Variants in EIF1AX observed in about 807,000 individuals in gnomAD.
The protein encoded by EIF1AX is eukaryotic translation initiation factor 1A X-linked.
Under a neutral mutation model 16.1 loss-of-function variants are expected in EIF1AX, and 1 was observed. The ratio of observed to expected loss-of-function variants is 0.06; its 90% CI spans 0.02 to 0.30. The LOEUF is 0.30. Ranked by LOEUF, EIF1AX falls within the 10% of genes least tolerant of loss-of-function variation. EIF1AX has a pLI of 1.00. For missense variants in EIF1AX, 11 were observed against 109.1 expected (o/e 0.10, Z 4.00); for synonymous variants, 32 against 37.3 (o/e 0.86, Z 0.51).
chrX:20,132,911 T>C (rs2067005282), intron 4 of EIF1AX, among the ~76,000 whole-genome samples: 1 of 112,269 alleles, frequency 8.9e-6, no homozygotes, highest in South Asian at 3.6e-4. Flanking sequence ...AATTGATTGC[T>C]TCAACTTCAA....
In EIF1AX at chrX:20,125,769, A is replaced by G. The variant is rs2066983375; in HGVS notation, c.*2537T>C. On this transcript the variant is annotated 3_prime_UTR_variant, in exon 7 of 7. Coordinates refer to ENST00000379607, the MANE Select transcript of EIF1AX (RefSeq NM_001412.4). ...ACATTAGATGAGATTAAGTTAAATTACAAGTCACAAAGAGTTTGTAAGCAA... is the reference window on the plus strand; with the variant it reads ...ACATTAGATGAGATTAAGTTAAATTGCAAGTCACAAAGAGTTTGTAAGCAA... 1 of 157,388 alleles carries G rather than the reference A, an allele frequency of 6.4e-6. No individual in the cohort carries two copies. The highest frequency in any genetic ancestry group is 3.0e-5 in the African/African-American group (1 of 33,013). 13.0% of individuals were successfully genotyped at this position (157,388 alleles called of 1,213,427 possible). A position where few individuals can be genotyped will look rare whatever the true frequency, so the allele number is the denominator to read the frequency against.
intron 2 of EIF1AX, among the ~76,000 whole-genome samples, chrX:20,137,362 C>G (rs941389908): frequency 9.0e-6 from 1 of 110,929 alleles, no homozygotes; most frequent in Admixed American, 9.6e-5. Context: ...AGGAGAATGG[C>G]GTGAACCCGG....
intron 6 of EIF1AX, among the ~76,000 whole-genome samples, chrX:20,128,872 C>G (rs968232995): frequency 9.0e-6 from 1 of 110,959 alleles, no homozygotes; most frequent in Non-Finnish European, 1.9e-5. Flanking sequence ...CCTAGATTCT[C>G]AACCCATTAT....
Position 20,139,987 on chromosome X carries a change from T to A in EIF1AX, c.17-1365A>T, listed in dbSNP as rs140469182. 8 of 112,784 alleles carry A rather than the reference T, an allele frequency of 7.1e-5. No individual in the cohort carries two copies. The East Asian group carries it at 2.2e-3, about 31-fold the overall frequency. The allele number at this position is 112,784 out of a possible 1,213,427, so 9.3% of individuals were successfully genotyped here. A position where few individuals can be genotyped will look rare whatever the true frequency, so the allele number is the denominator to read the frequency against. ...ATTAACCATACCCGGATCACTCCCC[T>A]TTGTATTTTATTGCCATGTAATGGG... On this transcript the variant is annotated intron_variant, in intron 1 of 6. Transcript: ENST00000379607.
At chrX:20,138,789 T>C (rs1428445787) in intron 1 of EIF1AX, among the ~76,000 whole-genome samples, 167 bp from the exon 2 acceptor site, 1 of 111,760 alleles carries the variant, frequency 8.9e-6, no homozygotes, top group Non-Finnish European at 1.9e-5. Context: ...CAATCTCCAA[T>C]CCCAACATTA....
At chrX:20,129,487 G>A (rs1416406829) in intron 6 of EIF1AX, among the ~76,000 whole-genome samples, 1 of 111,962 alleles carries the variant, frequency 8.9e-6, no homozygotes, top group Non-Finnish European at 1.9e-5. Flanking sequence ...TTGAAAAGAA[G>A]AGCCCAAAAC....
intron 2 of EIF1AX, among the ~76,000 whole-genome samples, chrX:20,137,179 T>A (rs1272825103): frequency 1.8e-5 from 2 of 111,979 alleles, no homozygotes; most frequent in African/African-American, 6.5e-5. Flanking sequence ...GTGCGGTGGC[T>A]CACGCCTGTA....
intron 4 of EIF1AX, 64 bp from the exon 5 acceptor site, chrX:20,132,327 A>C: frequency 1.4e-6 from 1 of 713,616 alleles, no homozygotes; most frequent in African/African-American, 2.1e-5. Context: ...TTATTTCATA[A>C]ATTCTCATAT....
intron 1 of EIF1AX, 41 bp downstream of exon 1, chrX:20,141,584 G>C (rs772517249): frequency 1.6e-4 from 188 of 1,143,163 alleles, no homozygotes; most frequent in East Asian, 1.0e-3. Context: ...TGGGAGACCC[G>C]GCCGAGCAGA....
At chrX:20,136,723 T>A (rs988615746) in intron 2 of EIF1AX, among the ~76,000 whole-genome samples, 2 of 111,422 alleles carry the variant, frequency 1.8e-5, no homozygotes, top group African/African-American at 6.5e-5. Context: ...CTACAGTGAG[T>A]TTAGCACCCA....
intron 6 of EIF1AX, among the ~76,000 whole-genome samples, chrX:20,129,247 TC>T (rs1199289940): frequency 9.0e-6 from 1 of 111,496 alleles, no homozygotes; most frequent in Non-Finnish European, 1.9e-5. Flanking sequence ...CTCTAGGTAT[TC>T]CGAAATTCCA....
chrX:20,124,962 T>C lies in EIF1AX; in HGVS notation c.*3344A>G, dbSNP rs773525601. On this transcript the variant is annotated 3_prime_UTR_variant, in exon 7 of 7. Coordinates refer to ENST00000379607, the MANE Select transcript of EIF1AX (RefSeq NM_001412.4). ...ATGCACCTTCTATCTTACATAGTAC[T>C]GGATATCAAGTGAAAAGAGCAGACA... is the stretch of plus-strand genomic sequence containing the variant. 1 of 148,782 alleles carries C rather than the reference T, an allele frequency of 6.7e-6. No individual in the cohort carries two copies. Among genetic ancestry groups the C allele is most frequent in the East Asian group, 1.0e-4 (1 of 9,544 alleles). 12.3% of individuals were successfully genotyped at this position (148,782 alleles called of 1,213,427 possible). A position where few individuals can be genotyped will look rare whatever the true frequency, so the allele number is the denominator to read the frequency against.
At chrX:20,129,007 CAT>C (rs2066993350) in intron 6 of EIF1AX, among the ~76,000 whole-genome samples, 2 of 110,159 alleles carry the variant, frequency 1.8e-5, no homozygotes, top group African/African-American at 6.6e-5. Flanking sequence ...GCTTAATCCA[CAT>C]GTCAGCTGCA....
At chrX:20,134,570 T>C (rs1230655759) in intron 3 of EIF1AX, among the ~76,000 whole-genome samples, 1 of 107,779 alleles carries the variant, frequency 9.3e-6, no homozygotes, top group Non-Finnish European at 1.9e-5. Flanking sequence ...AAACCTTGTC[T>C]TTACTAAAAA....
intron 1 of EIF1AX, among the ~76,000 whole-genome samples, chrX:20,141,316 G>A (rs2067033344): frequency 8.9e-6 from 1 of 111,861 alleles, no homozygotes; most frequent in Admixed American, 9.4e-5. Flanking sequence ...CCCCGGGGAA[G>A]GTTCCCGCCA....
intron 2 of EIF1AX, chrX:20,136,394 T>G (rs1010131766): frequency 3.3e-6 from 1 of 302,683 alleles, no homozygotes; most frequent in Non-Finnish European, 6.4e-6. Flanking sequence ...TCCACTTCAG[T>G]AAAAGCAGAT....
At chrX:20,139,285 C>T (rs2067026950) in intron 1 of EIF1AX, among the ~76,000 whole-genome samples, 1 of 112,121 alleles carries the variant, frequency 8.9e-6, no homozygotes, top group South Asian at 3.7e-4. Context: ...CTGGTCCCTA[C>T]TCAACATCCC....
chrX:20,136,034 A>G (rs1466981470), intron 2 of EIF1AX, 193 bp from the exon 3 acceptor site: 3 of 397,264 alleles, frequency 7.6e-6, no homozygotes, highest in South Asian at 8.2e-5. Flanking sequence ...CTAAGACTCT[A>G]TGATGACATT....
At chrX:20,135,664 T>C in intron 3 of EIF1AX, 74 bp downstream of exon 3, 1 of 772,932 alleles carries the variant, frequency 1.3e-6, no homozygotes, top group South Asian at 2.2e-5. Flanking sequence ...ATGAAGTCCA[T>C]GGACAGTTAA....
Sources: allele counts gnomAD v4.1 joint callset (sites outside exome capture counted in the v4.1 genomes callset), GRCh38; gene constraint gnomAD v4.1.1; transcripts MANE v1.5; gene names NCBI Gene and HGNC (gene_info 2026-07-23, HGNC 2026-07-21).